SHLD1: variants seen among roughly 807,000 people sequenced by gnomAD.
The protein encoded by SHLD1 is shieldin complex subunit 1.
SHLD1 carries 3 observed loss-of-function variants against 5.5 expected under a neutral mutation model. That is an observed-to-expected ratio of 0.54 (90% CI 0.25 to 1.40). SHLD1 has a LOEUF of 1.40. Among genes scored for constraint, SHLD1 ranks in the 40% most tolerant of loss-of-function variants. The pLI, the probability that SHLD1 is intolerant of heterozygous loss-of-function variation, is 0.15. For missense variants in SHLD1, 210 were observed against 244.4 expected (o/e 0.86, Z 0.94); for synonymous variants, 92 against 94.3 (o/e 0.98, Z 0.14).
chr20:5,841,168 C>A (rs1030790980), intron 2 of SHLD1, among the ~76,000 whole-genome samples: 48 of 120,622 alleles, frequency 4.0e-4, no homozygotes, highest in African/African-American at 2.1e-3. Context: ...CTGAAAATAG[C>A]GAGTGTGTGT....
intron 1 of SHLD1, among the ~76,000 whole-genome samples, chr20:5,762,834 G>A (rs568665563): frequency 9.2e-4 from 140 of 152,138 alleles, no homozygotes; most frequent in African/African-American, 3.1e-3. Context: ...TTAGCCAGGT[G>A]TGGTAGTGCG....
intron 2 of SHLD1, among the ~76,000 whole-genome samples, chr20:5,834,611 A>T (rs2087768430): frequency 6.6e-6 from 1 of 152,224 alleles, no homozygotes; most frequent in Non-Finnish European, 1.5e-5. Context: ...GGATTGCCTC[A>T]TCCCATCCTC....
chr20:5,850,328 A>G (rs1056864832), intron 2 of SHLD1, among the ~76,000 whole-genome samples: 7 of 151,578 alleles, frequency 4.6e-5, no homozygotes, highest in Non-Finnish European at 7.4e-5. Context: ...TCCAGAGCCT[A>G]ACCCCATTTC....
chr20:5,751,987 G>A (rs1038722472), intron 1 of SHLD1, among the ~76,000 whole-genome samples: 4 of 152,192 alleles, frequency 2.6e-5, no homozygotes, highest in Non-Finnish European at 5.9e-5. Flanking sequence ...CTAAAGACTT[G>A]AAGTCAGTAG....
At chr20:5,817,430 C>G (rs201657305) in intron 2 of SHLD1, among the ~76,000 whole-genome samples, 10,225 of 96,828 alleles carry the variant, frequency 0.11, 314 homozygotes, top group Non-Finnish European at 0.13. Context: ...CTCTCTCTCT[C>G]TCTGTGTGTG....
chr20:5,826,663 G>A (rs2087669064), intron 2 of SHLD1, among the ~76,000 whole-genome samples: 1 of 152,086 alleles, frequency 6.6e-6, no homozygotes, highest in African/African-American at 2.4e-5. Context: ...TTGAGAATAT[G>A]ACTCTGGTAC....
At chr20:5,862,923 A>G in intron 2 of SHLD1, 101 bp from the exon 3 acceptor site, 4 of 1,025,628 alleles carry the variant, frequency 3.9e-6, no homozygotes, top group Non-Finnish European at 4.2e-6. Flanking sequence ...ACTCAGGAAC[A>G]GTAAGCATGT....
intron 2 of SHLD1, among the ~76,000 whole-genome samples, chr20:5,801,853 T>A (rs972228212): frequency 6.6e-6 from 1 of 152,300 alleles, no homozygotes; most frequent in South Asian, 2.1e-4. Context: ...TTTGGAAATG[T>A]CTTAACATTT....
At chr20:5,757,075 T>C (rs796674036) in intron 1 of SHLD1, among the ~76,000 whole-genome samples, 20 of 141,870 alleles carry the variant, frequency 1.4e-4, no homozygotes, top group South Asian at 1.2e-3. Flanking sequence ...TTCTTTCTTT[T>C]TTTTTTTTTT....
chr20:5,779,505 A>G (rs1985591620), intron 2 of SHLD1, among the ~76,000 whole-genome samples: 1 of 152,144 alleles, frequency 6.6e-6, no homozygotes, highest in Non-Finnish European at 1.5e-5. Context: ...TCTAATTCTG[A>G]TGACTCTGGA....
intron 1 of SHLD1, among the ~76,000 whole-genome samples, chr20:5,765,769 CT>C (rs756234026): frequency 0.013 from 789 of 62,010 alleles, 4 homozygotes; most frequent in African/African-American, 0.047. Flanking sequence ...CGCACAAATC[CT>C]TTTTTTTTTT....
At chr20:5,813,365 C>T (rs1318109003) in intron 2 of SHLD1, among the ~76,000 whole-genome samples, 1 of 152,144 alleles carries the variant, frequency 6.6e-6, no homozygotes, top group Non-Finnish European at 1.5e-5. Flanking sequence ...TGGCACGTGC[C>T]TGTAGTCCCA....
At chr20:5,774,988 A>G (rs1425883743) in intron 2 of SHLD1, among the ~76,000 whole-genome samples, 2 of 152,176 alleles carry the variant, frequency 1.3e-5, no homozygotes, top group Non-Finnish European at 2.9e-5. Flanking sequence ...GGGTAGCAAC[A>G]GCATTTCTTA....
At chr20:5,846,837 T>G (rs984661198) in intron 2 of SHLD1, among the ~76,000 whole-genome samples, 4 of 152,224 alleles carry the variant, frequency 2.6e-5, no homozygotes, top group African/African-American at 9.6e-5. Flanking sequence ...TAGGTTCCGA[T>G]CCTTTAACTT....
chr20:5,798,703 C>T (rs569993867), intron 2 of SHLD1, among the ~76,000 whole-genome samples: 14 of 151,958 alleles, frequency 9.2e-5, no homozygotes, highest in East Asian at 7.8e-4. Flanking sequence ...CTGCAAGCTC[C>T]GCCTCCCAGG....
chr20:5,775,566 A>G (rs1200588110), intron 2 of SHLD1, among the ~76,000 whole-genome samples: 1 of 152,034 alleles, frequency 6.6e-6, no homozygotes, highest in Non-Finnish European at 1.5e-5. Context: ...TGGATATTCT[A>G]TGCCAAAAAG....
chr20:5,784,562 T>C (rs1045672662), intron 2 of SHLD1, among the ~76,000 whole-genome samples: 9 of 152,138 alleles, frequency 5.9e-5, no homozygotes, highest in African/African-American at 1.9e-4. Context: ...GCCATTCTCC[T>C]GCCTCAGCCT....
At chr20:5,767,517 G>A (rs367619129) in intron 1 of SHLD1, among the ~76,000 whole-genome samples, 9 of 152,052 alleles carry the variant, frequency 5.9e-5, no homozygotes, top group Non-Finnish European at 8.8e-5. Flanking sequence ...TTCTTGACCC[G>A]TGGGTCCCTG....
intron 2 of SHLD1, among the ~76,000 whole-genome samples, chr20:5,813,997 C>T (rs1000666340): frequency 6.6e-5 from 9 of 136,930 alleles, no homozygotes; most frequent in Middle Eastern, 3.8e-3. Flanking sequence ...CTGTCTCCCA[C>T]GCTGGAGTGC....
Sources: gnomAD v4.1 joint callset for allele counts (sites outside exome capture counted in the v4.1 genomes callset) on GRCh38, gnomAD v4.1.1 for gene constraint, MANE v1.5 for transcripts, NCBI Gene and HGNC (gene_info 2026-07-23, HGNC 2026-07-21) for gene names.